PTPRT: variants seen among roughly 807,000 people sequenced by gnomAD.
PTPRT encodes the protein receptor-type tyrosine-protein phosphatase T.
In PTPRT, 56 loss-of-function variants were observed where a neutral mutation model predicts 176.8. The observed-to-expected ratio is 0.32, with a 90% CI of 0.26 to 0.40. The LOEUF is 0.40. PTPRT is among the 10% of genes least tolerant of loss of function. The probability of loss-of-function intolerance (pLI) is 1.00; values close to 1 mark genes in which losing one functional copy is unlikely to be tolerated. For synonymous variants in PTPRT, 783 were observed against 739.0 expected, an observed-to-expected ratio of 1.06 and a Z score of -0.96; for missense variants, 1,540 against 1,908.2, an observed-to-expected ratio of 0.81 and a Z score of 3.60.
Position 42,612,428 on chromosome 20 carries a change from C to T in PTPRT, c.1153+65438G>A, listed in dbSNP as rs565445294. On this transcript the variant is annotated intron_variant, in intron 7 of 30. Transcript: ENST00000373187. The stretch of plus-strand genomic sequence containing the variant: ...TCACAGCCTCAACTTGACAGAAGCC[C>T]AGGCAGCAGCTGAGACTCCCCTGTT... Among the ~76,000 whole-genome samples the T allele has an allele frequency of 4.8e-4, 73 of 152,296 alleles. 1 individual carries two copies. Among genetic ancestry groups the T allele is most frequent in the African/African-American group, 1.6e-3 (68 of 41,576 alleles).
chr20:42,633,573 A>G (rs910860319), intron 7 of PTPRT, among the ~76,000 whole-genome samples: 1 of 151,298 alleles, frequency 6.6e-6, no homozygotes, highest in Admixed American at 6.6e-5. Flanking sequence ...AGGCAGGAAG[A>G]TCACTTGAGG....
chr20:42,153,088 T>C (rs1989206384), intron 17 of PTPRT, among the ~76,000 whole-genome samples: 1 of 147,372 alleles, frequency 6.8e-6, no homozygotes, highest in Admixed American at 6.6e-5. Flanking sequence ...CTGATAGCTT[T>C]TGGCAACAAG....
At chr20:42,281,102 C>A (rs2057132025) in intron 13 of PTPRT, among the ~76,000 whole-genome samples, 1 of 152,200 alleles carries the variant, frequency 6.6e-6, no homozygotes, top group Non-Finnish European at 1.5e-5. Context: ...AGACACCTAG[C>A]TCTCCCGATT....
At chr20:42,096,284 CAATTTTT>C (rs1985219748) in intron 27 of PTPRT, among the ~76,000 whole-genome samples, 1 of 151,710 alleles carries the variant, frequency 6.6e-6, no homozygotes, top group South Asian at 2.1e-4. Context: ...CCTTTTTTTG[CAATTTTT>C]ATTTTTTTTA....
chr20:42,186,279 A>G (rs974474693), intron 16 of PTPRT, among the ~76,000 whole-genome samples: 4 of 152,074 alleles, frequency 2.6e-5, no homozygotes, highest in Non-Finnish European at 5.9e-5. Flanking sequence ...TAGGAAATGC[A>G]TGAACAAATA....
chr20:42,935,958 G>A (rs1980160668), intron 1 of PTPRT, among the ~76,000 whole-genome samples: 1 of 152,180 alleles, frequency 6.6e-6, no homozygotes, highest in Non-Finnish European at 1.5e-5. Context: ...ATGTTGGTCA[G>A]GCTGGTCTCG....
chr20:42,351,982 C>T (rs1331938616), intron 10 of PTPRT, 102 bp downstream of exon 10: 2 of 1,097,484 alleles, frequency 1.8e-6, no homozygotes, highest in Non-Finnish European at 2.7e-6. Flanking sequence ...TAATTCCACC[C>T]ATATCACAGG....
chr20:43,187,820 A>G (rs563672611), intron 1 of PTPRT, among the ~76,000 whole-genome samples: 28 of 152,376 alleles, frequency 1.8e-4, no homozygotes, highest in African/African-American at 6.5e-4. Flanking sequence ...ATGTTTTAAC[A>G]AAAGGCTGCT....
At chr20:42,839,754 T>G (rs2078245236) in intron 2 of PTPRT, among the ~76,000 whole-genome samples, 1 of 152,190 alleles carries the variant, frequency 6.6e-6, no homozygotes, top group Non-Finnish European at 1.5e-5. Flanking sequence ...GGGAACTGGA[T>G]CCCTTGTTTA....
At chr20:42,610,197 C>A (rs759678464) in intron 7 of PTPRT, among the ~76,000 whole-genome samples, 1 of 152,128 alleles carries the variant, frequency 6.6e-6, no homozygotes, top group Non-Finnish European at 1.5e-5. Flanking sequence ...GGGAAAAAAA[C>A]CTGGTTGATA....
intron 1 of PTPRT, among the ~76,000 whole-genome samples, chr20:43,149,691 C>G (rs2014283165): frequency 6.6e-6 from 1 of 152,192 alleles, no homozygotes; most frequent in African/African-American, 2.4e-5. Flanking sequence ...GGCCCTAGCA[C>G]TTTCTCACTT....
chr20:42,345,466 T>C (rs991344361), intron 11 of PTPRT, among the ~76,000 whole-genome samples: 6 of 148,758 alleles, frequency 4.0e-5, no homozygotes, highest in Non-Finnish European at 8.9e-5. Flanking sequence ...TACATATATA[T>C]ATAAAACTAG....
intron 2 of PTPRT, among the ~76,000 whole-genome samples, chr20:42,806,482 C>CA (rs11475047): frequency 0.013 from 1,445 of 114,898 alleles, 14 homozygotes; most frequent in African/African-American, 0.025. Flanking sequence ...GACTCTGTCT[C>CA]AAAAAAAAAA....
chr20:42,110,186 A>G, intron 23 of PTPRT, 147 bp downstream of exon 23: 2 of 665,810 alleles, frequency 3.0e-6, no homozygotes, highest in East Asian at 3.1e-5. Flanking sequence ...AGCTGGGATT[A>G]CAGATGTATG....
intron 7 of PTPRT, among the ~76,000 whole-genome samples, chr20:42,666,097 A>G (rs1259385227): frequency 6.6e-6 from 1 of 152,194 alleles, no homozygotes; most frequent in Non-Finnish European, 1.5e-5. Flanking sequence ...TATAATAAAA[A>G]AATAAAAATA....
intron 2 of PTPRT, among the ~76,000 whole-genome samples, chr20:42,854,825 A>G (rs777891070): frequency 1.7e-4 from 26 of 152,256 alleles, no homozygotes; most frequent in African/African-American, 4.6e-4. Flanking sequence ...GAAGCAAATT[A>G]AATTAAATTA....
At chr20:43,109,362 A>G (rs1357085112) in intron 1 of PTPRT, among the ~76,000 whole-genome samples, 2 of 152,104 alleles carry the variant, frequency 1.3e-5, no homozygotes, top group South Asian at 2.1e-4. Flanking sequence ...GAAACTCTCC[A>G]GATACAAAGA....
intron 11 of PTPRT, among the ~76,000 whole-genome samples, chr20:42,349,405 A>G (rs2058243843): frequency 6.6e-6 from 1 of 152,240 alleles, no homozygotes; most frequent in Non-Finnish European, 1.5e-5. Flanking sequence ...TTTAAGATAC[A>G]GCTCAGTGTC....
chr20:42,275,553 G>A lies in PTPRT; in HGVS notation c.2176+6936C>T, dbSNP rs553331094. 6.6e-5 allele frequency among the ~76,000 whole-genome samples: 10 copies of A among 152,216 alleles called. No homozygotes were observed. In the East Asian group the frequency reaches 1.9e-3, roughly 29 times the overall value. On this transcript the variant is annotated intron_variant, in intron 13 of 30. Coordinates refer to ENST00000373187, the MANE Select transcript of PTPRT (RefSeq NM_007050.6). The stretch of plus-strand genomic sequence containing the variant: ...ATCAAACCAGCTTTTGTCTTCCTGA[G>A]TGGGGTATGGAAGTGGGGTATGGAA...
Sources: gnomAD v4.1 joint callset for allele counts (sites outside exome capture counted in the v4.1 genomes callset) on GRCh38, gnomAD v4.1.1 for gene constraint, MANE v1.5 for transcripts, NCBI Gene and HGNC (gene_info 2026-07-23, HGNC 2026-07-21) for gene names.